Variants in NRG1 observed in about 807,000 individuals in gnomAD.
The protein encoded by NRG1 is neuregulin 1.
Under a neutral mutation model 63.8 loss-of-function variants are expected in NRG1, and 18 were observed. That is an observed-to-expected ratio of 0.28 (90% confidence interval 0.19 to 0.42). The LOEUF (loss-of-function observed/expected upper bound fraction) is 0.42. NRG1 is among the 10% of genes least tolerant of loss of function. The pLI is 1.00. For synonymous variants in NRG1, 302 were observed against 301.3 expected, an observed-to-expected ratio of 1.00 and a Z score of -0.02; for missense variants, 762 against 814.7, an observed-to-expected ratio of 0.94 and a Z score of 0.79.
chr8:32,163,747 T>G (rs1352445446), intron 1 of NRG1, among the ~76,000 whole-genome samples: 1 of 152,208 alleles, frequency 6.6e-6, no homozygotes, highest in African/African-American at 2.4e-5. Context: ...CTTGCAAAGG[T>G]GGAAACACTG....
chr8:32,213,897 T>C (rs1253447240), intron 1 of NRG1, among the ~76,000 whole-genome samples: 1 of 152,112 alleles, frequency 6.6e-6, no homozygotes, highest in African/African-American at 2.4e-5. Flanking sequence ...CTTGAGCTAA[T>C]ATAGAATCTC....
chr8:31,661,850 G>C (rs1026189314), intron 1 of NRG1, among the ~76,000 whole-genome samples: 1 of 152,178 alleles, frequency 6.6e-6, no homozygotes, highest in Non-Finnish European at 1.5e-5. Context: ...CACTTATCAT[G>C]AGCCAAACAC....
At chr8:31,691,746 G>A (rs1312246105) in intron 1 of NRG1, among the ~76,000 whole-genome samples, 1 of 151,654 alleles carries the variant, frequency 6.6e-6, no homozygotes, top group Non-Finnish European at 1.5e-5. Flanking sequence ...TAATGTGCTG[G>A]TGTGGCTAAT....
At chr8:32,675,652 C>T (rs2466081) in intron 5 of NRG1, among the ~76,000 whole-genome samples, 145,872 of 152,192 alleles carry the variant, frequency 0.96, 70,107 homozygotes, top group East Asian at 1. Flanking sequence ...TATTCCAGAA[C>T]TGTTTTAAAT....
chr8:32,302,783 A>G (rs1855726400), intron 1 of NRG1, among the ~76,000 whole-genome samples: 1 of 139,268 alleles, frequency 7.2e-6, no homozygotes, highest in Non-Finnish European at 1.6e-5. Context: ...TTGACTCACT[A>G]TTTTATAATG....
intron 1 of NRG1, among the ~76,000 whole-genome samples, chr8:32,581,777 A>T (rs1840682665): frequency 1.3e-5 from 2 of 152,196 alleles, no homozygotes; most frequent in African/African-American, 4.8e-5. Context: ...TAGGACAGAG[A>T]GTTCTCCTAT....
At chr8:31,884,144 G>A (rs1455232516) in intron 1 of NRG1, among the ~76,000 whole-genome samples, 2 of 151,982 alleles carry the variant, frequency 1.3e-5, no homozygotes, top group African/African-American at 4.8e-5. Context: ...CTTGGTTTTT[G>A]TTTCTGGGAA....
intron 1 of NRG1, among the ~76,000 whole-genome samples, chr8:32,188,070 A>G (rs76950472): frequency 6.8e-6 from 1 of 146,344 alleles, no homozygotes; most frequent in Non-Finnish European, 1.5e-5. Flanking sequence ...AGGATTATAG[A>G]TTTTTTTTTT....
At chr8:32,401,046 A>G (rs1271859374) in intron 1 of NRG1, among the ~76,000 whole-genome samples, 2 of 152,162 alleles carry the variant, frequency 1.3e-5, no homozygotes, top group Non-Finnish European at 2.9e-5. Flanking sequence ...CAGGAACAGA[A>G]GAGTAAATAC....
chr8:32,169,400 G>T (rs565131073), intron 1 of NRG1, among the ~76,000 whole-genome samples: 6 of 152,178 alleles, frequency 3.9e-5, no homozygotes, highest in African/African-American at 1.4e-4. Context: ...TAGGATTTGC[G>T]ATTTGTCGGA....
intron 1 of NRG1, among the ~76,000 whole-genome samples, chr8:32,279,494 A>G (rs952326392): frequency 2.6e-5 from 4 of 152,172 alleles, no homozygotes; most frequent in African/African-American, 9.7e-5. Flanking sequence ...CTGGGATTAC[A>G]GGCACGTGCC....
intron 1 of NRG1, chr8:32,441,250 T>A (rs967221001): frequency 1.3e-5 from 2 of 152,180 alleles, no homozygotes; most frequent in African/African-American, 4.8e-5. Context: ...AACAACCAGA[T>A]GCAAACGTCC....
chr8:31,859,560 A>G (rs1828274060), intron 1 of NRG1, among the ~76,000 whole-genome samples: 1 of 152,214 alleles, frequency 6.6e-6, no homozygotes, highest in Non-Finnish European at 1.5e-5. Context: ...ATCCCTTTCT[A>G]CAGACATAAT....
At chr8:32,451,865 G>A (rs573156564) in intron 1 of NRG1, among the ~76,000 whole-genome samples, 45 of 152,064 alleles carry the variant, frequency 3.0e-4, no homozygotes, top group African/African-American at 1.1e-3. Context: ...TTGCTCTGTC[G>A]CCCAGGCTAG....
At chr8:32,668,461 G>A (rs1804795467) in intron 5 of NRG1, among the ~76,000 whole-genome samples, 2 of 152,114 alleles carry the variant, frequency 1.3e-5, no homozygotes, top group Non-Finnish European at 2.9e-5. Context: ...CCTCTTGGCT[G>A]TGTGCTTACT....
At chr8:31,831,652 A>T (rs1825176958) in intron 1 of NRG1, among the ~76,000 whole-genome samples, 1 of 152,154 alleles carries the variant, frequency 6.6e-6, no homozygotes, top group South Asian at 2.1e-4. Flanking sequence ...CTCTCTATGG[A>T]GAGGACTAGT....
At chr8:31,907,399 A>C (rs1832613662) in intron 1 of NRG1, among the ~76,000 whole-genome samples, 1 of 151,654 alleles carries the variant, frequency 6.6e-6, no homozygotes. Context: ...CTTCAGCCAG[A>C]AAGCATGTTT....
intron 1 of NRG1, among the ~76,000 whole-genome samples, chr8:32,500,953 C>T (rs1827782094): frequency 6.6e-6 from 1 of 152,118 alleles, no homozygotes; most frequent in Non-Finnish European, 1.5e-5. Flanking sequence ...TTCTGGAAAT[C>T]CTTACTGTGT....
At chr8:32,165,029 C>CA (rs1839253788) in intron 1 of NRG1, among the ~76,000 whole-genome samples, 2 of 152,150 alleles carry the variant, frequency 1.3e-5, no homozygotes, top group African/African-American at 4.8e-5. Flanking sequence ...CCCCACCCCC[C>CA]AACACACACA....
Sources: allele counts gnomAD v4.1 joint callset (sites outside exome capture counted in the v4.1 genomes callset), GRCh38; gene constraint gnomAD v4.1.1; transcripts MANE v1.5; gene names NCBI Gene and HGNC (gene_info 2026-07-23, HGNC 2026-07-21).